BLTP3A: variants seen among roughly 807,000 people sequenced by gnomAD.
BLTP3A encodes bridge-like lipid transfer protein family member 3A, also known as ICBP90 binding protein 1.
the BLTP3A span, among the ~76,000 whole-genome samples, chr6:34,812,685 G>C: frequency 6.6e-6 from 1 of 151,686 alleles, no homozygotes; most frequent in Non-Finnish European, 1.5e-5. Context: ...GTCCAGGCTG[G>C]TCTTGAACTC....
At chr6:34,811,347 AT>A in the BLTP3A span, among the ~76,000 whole-genome samples, 6 of 152,320 alleles carry the variant, frequency 3.9e-5, no homozygotes, top group South Asian at 1.2e-3. Flanking sequence ...AACACAAAGG[AT>A]TTTTTAATGC....
chr6:34,834,517 C>A, the BLTP3A span: 1 of 1,468,222 alleles, frequency 6.8e-7, no homozygotes, highest in East Asian at 2.3e-5. Context: ...TTCCCCATTC[C>A]TGGGAACCCA....
At chr6:34,871,459 T>C in the BLTP3A span, 65,197 of 924,604 alleles carry the variant, frequency 0.071, 5,728 homozygotes, top group African/African-American at 0.38. Context: ...ATGCCTCTTA[T>C]ACCTTCCAAG....
At chr6:34,794,528 A>G in the BLTP3A span, among the ~76,000 whole-genome samples, 2 of 152,196 alleles carry the variant, frequency 1.3e-5, no homozygotes, top group Non-Finnish European at 2.9e-5. Flanking sequence ...GGTAATTTTT[A>G]TATAAGATTA....
chr6:34,843,874 G>T, the BLTP3A span, among the ~76,000 whole-genome samples: 1 of 151,228 alleles, frequency 6.6e-6, no homozygotes, highest in African/African-American at 2.4e-5. Context: ...GTGTCCAGGG[G>T]TTCCCTTTTC....
the BLTP3A span, among the ~76,000 whole-genome samples, chr6:34,819,867 A>G: frequency 4.6e-5 from 7 of 152,310 alleles, no homozygotes; most frequent in African/African-American, 1.7e-4. Flanking sequence ...TTTGACCGAT[A>G]GAGTTTCCTA....
chr6:34,841,710 T>C, the BLTP3A span, among the ~76,000 whole-genome samples: 3 of 152,178 alleles, frequency 2.0e-5, no homozygotes, highest in South Asian at 2.1e-4. Context: ...GGATGGTTCA[T>C]TGGGGTCAGC....
At chr6:34,813,585 T>G in the BLTP3A span, among the ~76,000 whole-genome samples, 1 of 152,192 alleles carries the variant, frequency 6.6e-6, no homozygotes, top group East Asian at 1.9e-4. Context: ...CCCACATACT[T>G]GAAGTGGAAT....
chr6:34,856,357 T>C, the BLTP3A span: 5 of 1,613,912 alleles, frequency 3.1e-6, no homozygotes, highest in Non-Finnish European at 4.2e-6. Flanking sequence ...AAGAGACGGG[T>C]CTGAAACCAC....
the BLTP3A span, among the ~76,000 whole-genome samples, chr6:34,865,881 A>G: frequency 6.6e-6 from 1 of 152,242 alleles, no homozygotes; most frequent in Non-Finnish European, 1.5e-5. Context: ...TCAAATAATG[A>G]ACCCTCATAC....
the BLTP3A span, among the ~76,000 whole-genome samples, chr6:34,827,696 A>T: frequency 6.6e-6 from 1 of 152,180 alleles, no homozygotes; most frequent in Non-Finnish European, 1.5e-5. Context: ...CGGTGGCACC[A>T]TCTCGGCTCA....
chr6:34,876,941 T>C, the BLTP3A span: 30 of 152,372 alleles, frequency 2.0e-4, no homozygotes, highest in African/African-American at 7.0e-4. Flanking sequence ...TTAAGCCTTA[T>C]TCAGTATCTC....
the BLTP3A span, chr6:34,835,180 A>T: frequency 8.7e-7 from 1 of 1,149,594 alleles, no homozygotes; most frequent in Non-Finnish European, 1.2e-6. Flanking sequence ...AGTGCTTGAT[A>T]CTTTCACATA....
the BLTP3A span, chr6:34,834,895 A>G: frequency 6.2e-7 from 1 of 1,600,928 alleles, no homozygotes; most frequent in Non-Finnish European, 8.5e-7. Flanking sequence ...GAAAACTTCC[A>G]TCTCTTATTC....
At chr6:34,857,742 A>G in the BLTP3A span, 2 of 1,613,976 alleles carry the variant, frequency 1.2e-6, no homozygotes, top group East Asian at 4.5e-5. Context: ...CCTAATCTCT[A>G]CATTCAGTTA....
chr6:34,837,294 T>C, the BLTP3A span, among the ~76,000 whole-genome samples: 4 of 152,272 alleles, frequency 2.6e-5, no homozygotes, highest in Admixed American at 2.0e-4. Flanking sequence ...GTAATCTCAA[T>C]ACTTTGGGAG....
At chr6:34,832,411 G>A in the BLTP3A span, among the ~76,000 whole-genome samples, 5 of 151,880 alleles carry the variant, frequency 3.3e-5, no homozygotes, top group African/African-American at 1.2e-4. Flanking sequence ...GTGAGCCACT[G>A]TGCCCAGCGT....
the BLTP3A span, among the ~76,000 whole-genome samples, chr6:34,815,184 G>A: frequency 1.3e-5 from 2 of 152,164 alleles, no homozygotes; most frequent in Non-Finnish European, 2.9e-5. Context: ...GTTTGGTTTT[G>A]GTGGCTCAGG....
the BLTP3A span, among the ~76,000 whole-genome samples, chr6:34,871,276 C>T: frequency 6.6e-6 from 1 of 152,306 alleles, no homozygotes; most frequent in Middle Eastern, 3.4e-3. Flanking sequence ...TTTGCATTCT[C>T]TGTCAGTGTT....
Sources: allele counts gnomAD v4.1 joint callset (sites outside exome capture counted in the v4.1 genomes callset), GRCh38; gene constraint gnomAD v4.1.1; transcripts MANE v1.5; gene names NCBI Gene and HGNC (gene_info 2026-07-23, HGNC 2026-07-21).